The following NAV2 variants were observed in gnomAD, a reference collection of about 807,000 sequenced individuals.
NAV2 encodes neuron navigator 2.
Under a neutral mutation model 223.2 loss-of-function variants are expected in NAV2, and 54 were observed. The observed-to-expected ratio is 0.24, with a 90% confidence interval of 0.19 to 0.30. The LOEUF is 0.30. NAV2 is among the 10% of genes least tolerant of loss of function. The pLI, the probability that NAV2 is intolerant of heterozygous loss-of-function variation, is 1.00. For synonymous variants in NAV2, 1,279 were observed against 1,239.3 expected (o/e 1.03, Z -0.67); for missense variants, 2,806 against 3,147.5 (o/e 0.89, Z 2.60).
Position 19,948,903 on chromosome 11 carries a change from A to T in NAV2, c.2468A>T (p.Tyr823Phe), listed in dbSNP as rs2047154779. ...AACACTGAGTCAGGTCGCTATGTGT[A>T]CTCCGCCCCTCTGAGAAGGCAGCTG... is the stretch of plus-strand genomic sequence containing the variant. Reference protein sequence around the residue: ...FINTESGRYVYSAPLRRQLAS... With the variant: ...FINTESGRYVFSAPLRRQLAS... Residue 823 changes from tyrosine (Y) to phenylalanine (F), a missense_variant, in exon 10 of 38, where the codon TAC (tyrosine) becomes TTC (phenylalanine). Coordinates refer to ENST00000349880, the MANE Select transcript of NAV2 (RefSeq NM_145117.5). The T allele has an allele frequency of 1.9e-6, 3 of 1,613,722 alleles. No individual in the cohort carries two copies. In the South Asian group the frequency reaches 3.3e-5, roughly 18 times the overall value.
intron 35 of NAV2, among the ~76,000 whole-genome samples, chr11:20,106,198 T>C (rs2062094694): frequency 3.8e-5 from 3 of 79,028 alleles, no homozygotes; most frequent in South Asian, 5.0e-4. Flanking sequence ...TATATATATA[T>C]ATATATATAT....
intron 1 of NAV2, among the ~76,000 whole-genome samples, chr11:19,447,870 A>G (rs1838534920): frequency 1.3e-5 from 2 of 152,128 alleles, no homozygotes; most frequent in South Asian, 4.1e-4. Context: ...GATATGAGAG[A>G]TGAGGCACAG....
chr11:19,832,670 G>A lies in NAV2; in HGVS notation c.385+69G>A, dbSNP rs1422966796. The A allele has an allele frequency of 2.4e-5, 29 of 1,214,852 alleles. No homozygotes were observed. In the Admixed American group the frequency reaches 5.0e-4, roughly 21 times the overall value. 75.3% of individuals were successfully genotyped at this position (1,214,852 alleles called of 1,614,324 possible). A position where few individuals can be genotyped will look rare whatever the true frequency, so the allele number is the denominator to read the frequency against. The stretch of plus-strand genomic sequence containing the variant: ...CCATCTCAAAAGGCCGGGGTGAGGG[G>A]AACAGAGCACTGAAATCTCTCAGAA... On this transcript the variant is annotated intron_variant, in intron 2 of 37. Transcript: ENST00000349880.
chr11:19,391,288 T>A (rs1244453325), intron 1 of NAV2, among the ~76,000 whole-genome samples: 1 of 152,134 alleles, frequency 6.6e-6, no homozygotes, highest in East Asian at 1.9e-4. Flanking sequence ...TTCCATTCAG[T>A]TCTGTGTTAG....
intron 1 of NAV2, among the ~76,000 whole-genome samples, chr11:19,649,579 G>T (rs2047908289): frequency 1.3e-5 from 2 of 152,184 alleles, no homozygotes; most frequent in East Asian, 3.9e-4. Context: ...GGGTCTCTCT[G>T]GGGCCTCTTT....
chr11:20,090,644 A>G (rs1355428960), intron 26 of NAV2, among the ~76,000 whole-genome samples: 1 of 152,224 alleles, frequency 6.6e-6, no homozygotes, highest in Non-Finnish European at 1.5e-5. Context: ...AACGATTTTA[A>G]ACATCAGTGG....
chr11:20,089,864 G>A (rs1263742258), intron 26 of NAV2, among the ~76,000 whole-genome samples: 1 of 152,204 alleles, frequency 6.6e-6, no homozygotes, highest in African/African-American at 2.4e-5. Flanking sequence ...CACCTCTTCA[G>A]AAAGAGGAAC....
intron 1 of NAV2, among the ~76,000 whole-genome samples, chr11:19,693,539 A>G (rs937045988): frequency 6.6e-6 from 1 of 152,224 alleles, no homozygotes; most frequent in African/African-American, 2.4e-5. Flanking sequence ...AAACAAAAAT[A>G]TATTTAGAAA....
chr11:19,379,831 C>T (rs932985749), intron 1 of NAV2, among the ~76,000 whole-genome samples: 1 of 152,168 alleles, frequency 6.6e-6, no homozygotes, highest in African/African-American at 2.4e-5. Flanking sequence ...TCTCTTCTCA[C>T]CTGCCAACAG....
At position 20,063,158 on chromosome 11, in the gene NAV2, C is replaced by T. The variant is rs188013107; in HGVS notation, c.4884+799C>T. On this transcript the variant is annotated intron_variant, in intron 20 of 37. Transcript: ENST00000349880. The stretch of plus-strand genomic sequence containing the variant: ...CTAGTGCCTAGAACAGTACCTAGCA[C>T]GTAGTAGGTATTTTTTAAGTAGGTT... Among the ~76,000 whole-genome samples, 460 of 152,186 alleles carry T rather than the reference C, an allele frequency of 3.0e-3. 1 individual carries two copies. The highest frequency in any genetic ancestry group is 0.01 in the African/African-American group (430 of 41,526).
intron 36 of NAV2, among the ~76,000 whole-genome samples, chr11:20,108,529 A>G (rs1454004949): frequency 1.3e-5 from 2 of 148,690 alleles, no homozygotes; most frequent in African/African-American, 5.0e-5. Context: ...TGCAACCTCC[A>G]CCTCCTGGGT....
intron 5 of NAV2, among the ~76,000 whole-genome samples, chr11:19,880,567 C>A (rs556860947): frequency 6.6e-6 from 1 of 152,218 alleles, no homozygotes; most frequent in East Asian, 1.9e-4. Flanking sequence ...TAGAGGGCAC[C>A]AAAGAAAGGT....
At chr11:19,931,501 C>T (rs75762818) in intron 6 of NAV2, among the ~76,000 whole-genome samples, 2,403 of 152,022 alleles carry the variant, frequency 0.016, 25 homozygotes, top group Non-Finnish European at 0.026. Context: ...GGGCTGCCTT[C>T]ACTCGGCTTC....
intron 1 of NAV2, among the ~76,000 whole-genome samples, chr11:19,698,325 G>A (rs1011549698): frequency 5.3e-5 from 8 of 152,142 alleles, no homozygotes; most frequent in South Asian, 2.1e-4. Context: ...TAAATGTGTC[G>A]GAGGCCCTCA....
At chr11:19,582,024 C>T (rs1469258455) in intron 1 of NAV2, among the ~76,000 whole-genome samples, 2 of 152,184 alleles carry the variant, frequency 1.3e-5, no homozygotes, top group African/African-American at 4.8e-5. Flanking sequence ...TCTCCAGCTC[C>T]TGTTGTTTCC....
chr11:19,528,830 T>C (rs2043930525), intron 1 of NAV2, among the ~76,000 whole-genome samples: 1 of 149,702 alleles, frequency 6.7e-6, no homozygotes, highest in Non-Finnish European at 1.5e-5. Flanking sequence ...CTCGGGAGGC[T>C]GAGGAAGGAG....
intron 1 of NAV2, among the ~76,000 whole-genome samples, chr11:19,738,103 CT>C (rs2052483665): frequency 6.6e-6 from 1 of 152,236 alleles, no homozygotes; most frequent in Non-Finnish European, 1.5e-5. Context: ...GGAAAATTCA[CT>C]GACTGGGGAG....
At chr11:19,974,191 C>T (rs1345286711) in intron 10 of NAV2, among the ~76,000 whole-genome samples, 1 of 152,216 alleles carries the variant, frequency 6.6e-6, no homozygotes, top group African/African-American at 2.4e-5. Context: ...CACAGTTCTT[C>T]CGCCCAGGTC....
In NAV2 at chr11:19,692,357, C is replaced by A. The variant is rs369653434; in HGVS notation, c.76-140127C>A. Among the ~76,000 whole-genome samples the A allele has an allele frequency of 1.2e-4, 18 of 152,346 alleles. 1 individual carries two copies. The East Asian group carries it at 2.7e-3, about 23-fold the overall frequency. On this transcript the variant is annotated intron_variant, in intron 1 of 37. Coordinates refer to the NAV2 transcript ENST00000360655. ...CCAGGTCATTTGTATGTTGAAGCACCAACCAAATGTATGTTTTTGCTTGCT... is the reference window on the plus strand; with the variant it reads ...CCAGGTCATTTGTATGTTGAAGCACAAACCAAATGTATGTTTTTGCTTGCT...
Sources: gnomAD v4.1 joint callset for allele counts (sites outside exome capture counted in the v4.1 genomes callset) on GRCh38, gnomAD v4.1.1 for gene constraint, MANE v1.5 for transcripts, NCBI Gene and HGNC (gene_info 2026-07-23, HGNC 2026-07-21) for gene names.